OTOGL: variants seen among roughly 807,000 people sequenced by gnomAD.
OTOGL encodes the protein otogelin like.
OTOGL carries 285 observed loss-of-function variants against 318.5 expected under a neutral mutation model. The ratio of observed to expected loss-of-function variants is 0.89; its 90% CI spans 0.81 to 0.99. The LOEUF is 0.99. Among genes scored for constraint, OTOGL ranks in the 50% least tolerant of loss-of-function variants. The pLI, the probability that OTOGL is intolerant of heterozygous loss-of-function variation, is 0.00. For missense variants in OTOGL, 2,899 were observed against 2,845.6 expected (o/e 1.02, Z -0.43); for synonymous variants, 987 against 936.5 (o/e 1.05, Z -0.99).
intron 1 of OTOGL, among the ~76,000 whole-genome samples, chr12:80,203,956 A>G (rs748447709): frequency 3.3e-5 from 5 of 152,224 alleles, no homozygotes; most frequent in Non-Finnish European, 7.3e-5. Context: ...CTGCATTCTC[A>G]GTAAAGCTGA....
chr12:80,354,575 G>A (rs1889757259), intron 46 of OTOGL, among the ~76,000 whole-genome samples: 1 of 152,008 alleles, frequency 6.6e-6, no homozygotes, highest in Non-Finnish European at 1.5e-5. Flanking sequence ...TCAGTCATAG[G>A]CCTCTTCATT....
At chr12:80,320,046 A>G (rs1426514749) in intron 33 of OTOGL, among the ~76,000 whole-genome samples, 1 of 152,172 alleles carries the variant, frequency 6.6e-6, no homozygotes, top group African/African-American at 2.4e-5. Context: ...GTACATTTGT[A>G]AATGTTAAAG....
At chr12:80,167,969 CTCTCCTCTCT>C (rs1281098684) in intron 1 of OTOGL, among the ~76,000 whole-genome samples, 1 of 151,392 alleles carries the variant, frequency 6.6e-6, no homozygotes, top group African/African-American at 2.4e-5. Flanking sequence ...CTCTCCTCTC[CTCTCCTCTCT>C]TCTCCTCTCT....
chr12:80,212,963 G>C (rs949724874), intron 4 of OTOGL, among the ~76,000 whole-genome samples: 3 of 152,048 alleles, frequency 2.0e-5, no homozygotes, highest in Admixed American at 6.6e-5. Flanking sequence ...CCCAAGAGAG[G>C]GTTCTTGGTT....
chr12:80,169,618 T>C (rs567476805), intron 1 of OTOGL, among the ~76,000 whole-genome samples: 13 of 152,320 alleles, frequency 8.5e-5, no homozygotes, highest in African/African-American at 3.1e-4. Context: ...ATCACCACAA[T>C]CACAATAAAT....
At chr12:80,332,454 G>A (rs1373274895) in intron 37 of OTOGL, among the ~76,000 whole-genome samples, 1 of 152,132 alleles carries the variant, frequency 6.6e-6, no homozygotes, top group African/African-American at 2.4e-5. Flanking sequence ...TTTAGAAGGT[G>A]CCTCACAGAT....
intron 11 of OTOGL, among the ~76,000 whole-genome samples, chr12:80,247,205 GC>G (rs1300770798): frequency 6.7e-6 from 1 of 148,780 alleles, no homozygotes; most frequent in East Asian, 1.9e-4. Flanking sequence ...CCTTCTGTTA[GC>G]TTTTGAATGT....
chr12:80,296,546 A>G (rs1280331936), intron 26 of OTOGL, among the ~76,000 whole-genome samples: 1 of 152,210 alleles, frequency 6.6e-6, no homozygotes, highest in African/African-American at 2.4e-5. Flanking sequence ...GATAAATAAA[A>G]TGATAATGGT....
Position 80,210,808 on chromosome 12 carries a change from G to T in OTOGL, c.80-39G>T. 4 of 1,312,056 alleles carry T rather than the reference G, an allele frequency of 3.0e-6. No homozygotes were observed. The South Asian group carries it at 6.0e-5, about 20-fold the overall frequency. The allele number at this position is 1,312,056 out of a possible 1,614,324, so 81.3% of individuals were successfully genotyped here. A position where few individuals can be genotyped will look rare whatever the true frequency, so the allele number is the denominator to read the frequency against. The stretch of plus-strand genomic sequence containing the variant: ...CTGGAACATGTAGCCAATATATTTG[G>T]ATAATTTTTTTTCATTCTTATATAT... On this transcript the variant is annotated intron_variant, in intron 2 of 58. Coordinates refer to ENST00000547103, the MANE Select transcript of OTOGL (RefSeq NM_001378609.3).
At position 80,356,412 on chromosome 12, in the gene OTOGL, A is replaced by T. The variant is rs1478348641; in HGVS notation, c.5807-4A>T. 6.2e-7 allele frequency: 1 copy of T among 1,601,936 alleles called. No homozygotes were observed. The highest frequency in any genetic ancestry group is 8.5e-7 in the Non-Finnish European group (1 of 1,173,184). On this transcript the variant is annotated splice_region_variant and splice_polypyrimidine_tract_variant and intron_variant, in intron 47 of 58. Coordinates refer to ENST00000547103, the MANE Select transcript of OTOGL (RefSeq NM_001378609.3). ...AATATTTTAACAGTTTTTCTTATTT[A>T]TAGGATGTGACACGACTTTGTGTGA... is the stretch of plus-strand genomic sequence containing the variant.
At chr12:80,343,525 T>TC (rs1565999799) in intron 44 of OTOGL, 10 of 133,906 alleles carry the variant, frequency 7.5e-5, no homozygotes, top group African/African-American at 2.7e-4. Flanking sequence ...TTTTTTTTTT[T>TC]TTTTTTTTTT....
chr12:80,168,515 T>C (rs1341690864), intron 1 of OTOGL, among the ~76,000 whole-genome samples: 1 of 152,192 alleles, frequency 6.6e-6, no homozygotes, highest in African/African-American at 2.4e-5. Flanking sequence ...TGCTGATGGA[T>C]TTCATGTTCC....
chr12:80,168,286 T>C (rs1440927085), intron 1 of OTOGL, among the ~76,000 whole-genome samples: 1 of 152,132 alleles, frequency 6.6e-6, no homozygotes, highest in Non-Finnish European at 1.5e-5. Flanking sequence ...CACTACAAAA[T>C]GCTCAACTCA....
At chr12:80,218,775 C>A (rs1283464056) in intron 5 of OTOGL, among the ~76,000 whole-genome samples, 2 of 137,914 alleles carry the variant, frequency 1.5e-5, no homozygotes, top group East Asian at 4.1e-4. Flanking sequence ...GTATAGATTT[C>A]TTTTTTTTTC....
intron 19 of OTOGL, among the ~76,000 whole-genome samples, chr12:80,264,143 T>C (rs1473211725): frequency 6.6e-6 from 1 of 152,140 alleles, no homozygotes; most frequent in East Asian, 1.9e-4. Flanking sequence ...AAAAGATTGA[T>C]TAATTTTATC....
chr12:80,294,285 A>T (rs1885238817), intron 26 of OTOGL, among the ~76,000 whole-genome samples: 2 of 152,148 alleles, frequency 1.3e-5, no homozygotes, highest in South Asian at 2.1e-4. Flanking sequence ...AGCATACAAG[A>T]TAGAATATTT....
rs577239107 is a variant in OTOGL at position 80,191,847 on chromosome 12, T to G, written c.-19-17566T>G. ...CTCTTGTGAATGGCAAGAGAGGAACTAGAGACTGCTGTACCAGCTTTACAT... is the reference window on the plus strand; with the variant it reads ...CTCTTGTGAATGGCAAGAGAGGAACGAGAGACTGCTGTACCAGCTTTACAT... On this transcript the variant is annotated intron_variant, in intron 1 of 58. Coordinates refer to ENST00000547103, the MANE Select transcript of OTOGL (RefSeq NM_001378609.3). Among the ~76,000 whole-genome samples the G allele has an allele frequency of 3.2e-3, 485 of 152,336 alleles. 3 individuals are homozygous for G. Among genetic ancestry groups the G allele is most frequent in the African/African-American group, 0.011 (455 of 41,560 alleles).
chr12:80,218,791 C>CT (rs1877989781), intron 5 of OTOGL, among the ~76,000 whole-genome samples: 1 of 133,526 alleles, frequency 7.5e-6, no homozygotes, highest in Admixed American at 7.2e-5. Context: ...TTTTCTTTTT[C>CT]TTTCTTTTTT....
chr12:80,200,498 A>G (rs61950627), intron 1 of OTOGL, among the ~76,000 whole-genome samples: 3,223 of 152,328 alleles, frequency 0.021, 52 homozygotes, highest in Non-Finnish European at 0.032. Context: ...ATATTTTTCA[A>G]TGATTGAGAA....
Sources: gnomAD v4.1 joint callset for allele counts (sites outside exome capture counted in the v4.1 genomes callset) on GRCh38, gnomAD v4.1.1 for gene constraint, MANE v1.5 for transcripts, NCBI Gene and HGNC (gene_info 2026-07-23, HGNC 2026-07-21) for gene names.